The following HYDIN variants were observed in gnomAD, a reference collection of about 807,000 sequenced individuals.
HYDIN encodes HYDIN axonemal central pair apparatus protein.
HYDIN carries 132 observed loss-of-function variants against 403.9 expected under a neutral mutation model. The observed-to-expected ratio is 0.33, with a 90% confidence interval of 0.28 to 0.38. The LOEUF is 0.38. HYDIN is among the 10% of genes least tolerant of loss of function. HYDIN has a pLI of 1.00. For missense variants in HYDIN, 2,827 were observed against 5,009.5 expected (o/e 0.56, Z 13.15); for synonymous variants, 1,202 against 1,891.7 (o/e 0.64, Z 9.46).
chr16:71,074,027 A>AT (rs1479062622), intron 13 of HYDIN, among the ~76,000 whole-genome samples: 1 of 152,130 alleles, frequency 6.6e-6, no homozygotes, highest in Non-Finnish European at 1.5e-5. Flanking sequence ...TGCAAAATCC[A>AT]TATCTTCACC....
Position 70,921,042 on chromosome 16 carries a change from T to C in HYDIN, c.7334A>G (p.Asn2445Ser), listed in dbSNP as rs1798532. The change falls in exon 46 of 86, where the codon AAC becomes AGC. Residue 2445 changes from asparagine (N) to serine (S), a missense_variant. By Grantham distance (46) the Asn-to-Ser change is conservative. Transcript: ENST00000393567. Reference sequence around the variant, plus strand: ...CAGTTGCTTGTCGGGGTCCTTTGAGTTGTCCCCTTCACTGTCCTCTTGGTC... The same window carrying C: ...CAGTTGCTTGTCGGGGTCCTTTGAGCTGTCCCCTTCACTGTCCTCTTGGTC... ...VQDQEDSEGD[N>S]SKDPDKQLAP... 4 of 1,612,024 alleles carry C rather than the reference T, an allele frequency of 2.5e-6. No individual in the cohort carries two copies. In the African/African-American group the frequency reaches 5.4e-5, roughly 22 times the overall value.
intron 6 of HYDIN, among the ~76,000 whole-genome samples, chr16:71,154,289 C>T (rs1340168832): frequency 1.3e-5 from 2 of 150,442 alleles, no homozygotes; most frequent in African/African-American, 4.9e-5. Flanking sequence ...TTTGTGGGTA[C>T]ACAGTAGGTA....
At chr16:71,138,634 T>A (rs2085032967) in intron 7 of HYDIN, among the ~76,000 whole-genome samples, 1 of 152,020 alleles carries the variant, frequency 6.6e-6, no homozygotes, top group Non-Finnish European at 1.5e-5. Context: ...ACTTTTAAAC[T>A]TTCTTTGAGT....
At chr16:70,908,920 G>T in intron 47 of HYDIN, 59 bp from the exon 48 acceptor site, 2 of 1,594,098 alleles carry the variant, frequency 1.3e-6, no homozygotes, top group Non-Finnish European at 1.7e-6. Context: ...ACAAACAGAA[G>T]ACAGAGATGG....
chr16:71,219,130 G>C (rs1373558004), intron 1 of HYDIN, among the ~76,000 whole-genome samples: 2 of 152,090 alleles, frequency 1.3e-5, no homozygotes, highest in Non-Finnish European at 2.9e-5. Flanking sequence ...ATAAAAATGA[G>C]CATCAACAAC....
intron 27 of HYDIN, among the ~76,000 whole-genome samples, chr16:70,987,467 G>C (rs1319512929): frequency 1.3e-5 from 2 of 152,046 alleles, no homozygotes; most frequent in African/African-American, 2.4e-5. Context: ...TTTAGGCATG[G>C]CTTGATGAGA....
At chr16:70,824,321 G>A (rs571496967) in intron 83 of HYDIN, among the ~76,000 whole-genome samples, 1 of 151,828 alleles carries the variant, frequency 6.6e-6, no homozygotes, top group East Asian at 1.9e-4. Context: ...CTCTCTGAAT[G>A]AGAAACCTTC....
At chr16:70,952,961 AGCTGGGTTCACGT>A (rs1467193392) in intron 40 of HYDIN, among the ~76,000 whole-genome samples, 2 of 152,114 alleles carry the variant, frequency 1.3e-5, no homozygotes, top group East Asian at 1.9e-4. Context: ...TGTTTGGACC[AGCTGGGTTCACGT>A]GCTCAGCAGC....
At chr16:70,989,279 T>C (rs1325720537) in intron 25 of HYDIN, among the ~76,000 whole-genome samples, 2 of 152,086 alleles carry the variant, frequency 1.3e-5, no homozygotes, top group Non-Finnish European at 2.9e-5. Context: ...CCTCAAGCCA[T>C]CCTCCTGCCT....
Position 71,081,930 on chromosome 16 carries a change from A to T in HYDIN, c.1671-1978T>A, listed in dbSNP as rs199959068. On this transcript the variant is annotated intron_variant, in intron 12 of 85. Transcript: ENST00000393567. ...GAAGAAAATTGCTTGTGGGTAATTTAAAAAAATCACACTAATTTTAGTGTT... is the reference window on the plus strand; with the variant it reads ...GAAGAAAATTGCTTGTGGGTAATTTTAAAAAATCACACTAATTTTAGTGTT... 5.7e-5 allele frequency among the ~76,000 whole-genome samples: 4 copies of T among 69,780 alleles called. 1 individual carries two copies. Among genetic ancestry groups the T allele is most frequent in the Non-Finnish European group, 4.8e-5 (2 of 41,798 alleles). The allele number at this position is 69,780 out of a possible 152,430, so 45.8% of individuals were successfully genotyped here.
At chr16:71,056,199 T>C (rs1424630508) in intron 18 of HYDIN, among the ~76,000 whole-genome samples, 4 of 149,480 alleles carry the variant, frequency 2.7e-5, no homozygotes, top group Non-Finnish European at 5.9e-5. Context: ...GAAGTCAGCC[T>C]GCTGGGAACT....
At chr16:71,110,790 C>T (rs1440348876) in intron 10 of HYDIN, among the ~76,000 whole-genome samples, 3 of 134,224 alleles carry the variant, frequency 2.2e-5, no homozygotes, top group Non-Finnish European at 4.7e-5. Flanking sequence ...AGATATGGAC[C>T]GAAAACAGCA....
Position 71,069,159 on chromosome 16 carries a change from C to T in HYDIN, c.1974+108G>A, listed in dbSNP as rs10438558. 3.1e-4 allele frequency: 366 copies of T among 1,190,960 alleles called. 2 individuals are homozygous for T. The African/African-American group carries it at 3.2e-3, about 10-fold the overall frequency. 73.8% of individuals were successfully genotyped at this position (1,190,960 alleles called of 1,614,324 possible). On this transcript the variant is annotated intron_variant, in intron 14 of 85. Transcript: ENST00000393567. ...GTTTCCCTGTAAATTGACAGGCACCCCCTCCTGCTGACACTGGACATGCTA... is the reference window on the plus strand; with the variant it reads ...GTTTCCCTGTAAATTGACAGGCACCTCCTCCTGCTGACACTGGACATGCTA...
At chr16:71,012,614 G>T (rs1357717536) in intron 23 of HYDIN, among the ~76,000 whole-genome samples, 1 of 152,232 alleles carries the variant, frequency 6.6e-6, no homozygotes. Flanking sequence ...TACATGTGTT[G>T]TGAAGGAACA....
At chr16:71,107,142 C>G (rs552055220) in intron 10 of HYDIN, among the ~76,000 whole-genome samples, 90 of 121,460 alleles carry the variant, frequency 7.4e-4, no homozygotes, top group South Asian at 3.2e-3. Context: ...ACATCACACA[C>G]TGGGGCCTGT....
chr16:71,186,668 C>A (rs2087166135), intron 2 of HYDIN, 93 bp downstream of exon 2: 1 of 960,306 alleles, frequency 1.0e-6, no homozygotes, highest in African/African-American at 1.6e-5. Flanking sequence ...GTCAGTAATT[C>A]TGTTTGGCAT....
At chr16:70,902,655 T>C (rs748179250) in intron 52 of HYDIN, among the ~76,000 whole-genome samples, 148 of 147,030 alleles carry the variant, frequency 1.0e-3, no homozygotes, top group Middle Eastern at 3.4e-3. Context: ...GAGAGGTTAA[T>C]TGATGGCCCC....
chr16:71,124,704 C>T (rs529877278), intron 9 of HYDIN, among the ~76,000 whole-genome samples: 13 of 152,314 alleles, frequency 8.5e-5, no homozygotes, highest in South Asian at 2.1e-4. Context: ...CCTCAGTAGT[C>T]AGGAGCTGAA....
At chr16:70,863,382 A>G (rs2039530508) in intron 67 of HYDIN, among the ~76,000 whole-genome samples, 200 bp from the exon 68 acceptor site, 1 of 152,232 alleles carries the variant, frequency 6.6e-6, no homozygotes, top group African/African-American at 2.4e-5. Context: ...ATAGTGATTA[A>G]AAGTAAAAAT....
Sources: allele counts gnomAD v4.1 joint callset (sites outside exome capture counted in the v4.1 genomes callset), GRCh38; gene constraint gnomAD v4.1.1; transcripts MANE v1.5; gene names NCBI Gene and HGNC (gene_info 2026-07-23, HGNC 2026-07-21).